Variants in ACIN1 observed in about 807,000 individuals in gnomAD.
ACIN1 encodes the protein apoptotic chromatin condensation inducer in the nucleus.
A neutral mutation model predicts 146.6 loss-of-function variants in ACIN1; 16 were observed. The ratio of observed to expected loss-of-function variants is 0.11; its 90% CI spans 0.07 to 0.17. The LOEUF is 0.17. Ranked by LOEUF, ACIN1 falls within the 10% of genes least tolerant of loss-of-function variation. ACIN1 has a pLI of 1.00. For missense variants in ACIN1, 1,357 were observed against 1,609.3 expected, an observed-to-expected ratio of 0.84 and a Z score of 2.68; for synonymous variants, 569 against 582.7, an observed-to-expected ratio of 0.98 and a Z score of 0.34.
intron 8 of ACIN1, 35 bp from the exon 9 acceptor site, chr14:23,069,652 G>GGGGGGGGGGGGGGGCCGCC: frequency 1.7e-6 from 1 of 577,974 alleles, no homozygotes; most frequent in Non-Finnish European, 3.3e-6. Context: ...GGGGGGGCGG[G>GGGGGGGGGGGGGGGCCGCC]CAGAAAAGAA....
chr14:23,061,244 G>C (rs941497937), intron 17 of ACIN1, 54 bp downstream of exon 17: 11 of 1,613,428 alleles, frequency 6.8e-6, no homozygotes, highest in Non-Finnish European at 8.5e-6. Flanking sequence ...CATCCCATCT[G>C]GGTCCCTTTC....
Position 23,065,998 on chromosome 14 carries a change from G to T in ACIN1, c.2276C>A (p.Pro759His). 4.3e-6 allele frequency: 7 copies of T among 1,613,662 alleles called. No individual in the cohort carries two copies. Among genetic ancestry groups the T allele is most frequent in the Non-Finnish European group, 5.9e-6 (7 of 1,179,792 alleles). Residue 759 changes from proline (P) to histidine (H), a missense_variant, in exon 10 of 19, where the codon CCC (proline) becomes CAC (histidine). By Grantham distance (77) the Pro-to-His change is moderately conservative. This residue lies in a region of ACIN1 where 509 missense variants were observed against 719.6 expected (regional missense o/e 0.71). Coordinates refer to ENST00000605057, the MANE Select transcript of ACIN1 (RefSeq NM_001386863.1). The part of the protein sequence containing the change: ...EDEEKKESSL[P>H]KSFKRKISVV... ...GGAGATCTTCCTCTTGAATGATTTG[G>T]GCAGCGAGCTCTGTATGAAGAAGAA... is the stretch of plus-strand genomic sequence containing the variant.
chr14:23,095,214 A>C, upstream of ACIN1: 1 of 1,613,340 alleles, frequency 6.2e-7, no homozygotes, highest in South Asian at 1.1e-5. Context: ...CCACTGCCAT[A>C]CTCTACCCCT....
chr14:23,062,321 C>A (rs758843063), intron 15 of ACIN1, 46 bp from the exon 16 acceptor site: 2 of 1,600,902 alleles, frequency 1.2e-6, no homozygotes, highest in South Asian at 2.2e-5. Flanking sequence ...GTGTCTGCAA[C>A]CCTTCCCACG....
Position 23,078,236 on chromosome 14 carries a change from C to A in ACIN1, c.2038G>T (p.Ala680Ser). ...GGCTGTGTGGCAGCTGGTGGCTCTGCCTCTTCAGCTTCACACTTCTTTGGG... is the reference window on the plus strand; with the variant it reads ...GGCTGTGTGGCAGCTGGTGGCTCTGACTCTTCAGCTTCACACTTCTTTGGG... ...GSPKKCEAEE[A>S]EPPAATQPQT... Residue 680 changes from alanine (A) to serine (S), a missense_variant, in exon 8 of 19, where the codon GCA becomes TCA. Ala to Ser is a moderately conservative substitution (Grantham distance 99, BLOSUM62 1). Around this residue, in one of 4 missense-constraint regions of ACIN1, gnomAD observed 771 missense variants for 746.6 expected, o/e 1.03. Transcript: ENST00000605057. The A allele has an allele frequency of 6.2e-7, 1 of 1,614,138 alleles. No homozygotes were observed. The highest frequency in any genetic ancestry group is 8.5e-7 in the Non-Finnish European group (1 of 1,180,002).
At chr14:23,061,251 T>C (rs751699645) in intron 17 of ACIN1, 47 bp downstream of exon 17, 1 of 1,613,330 alleles carries the variant, frequency 6.2e-7, no homozygotes, top group Admixed American at 1.7e-5. Flanking sequence ...TCTGGGTCCC[T>C]TTCCCACCTA....
Position 23,068,655 on chromosome 14 carries a change from T to G in ACIN1, c.2265+821A>C, listed in dbSNP as rs912481574. ...GGCAGGGTTATATTTTACGGGCGGA[T>G]TACCGTACATGAGGTACTTGGACAA... is the stretch of plus-strand genomic sequence containing the variant. On this transcript the variant is annotated intron_variant, in intron 9 of 18. Coordinates refer to ENST00000605057, the MANE Select transcript of ACIN1 (RefSeq NM_001386863.1). The surrounding 1 kb of genome is among the most constrained non-coding windows in gnomAD (Gnocchi z 4.3). 4.1e-5 allele frequency: 40 copies of G among 985,764 alleles called. No homozygotes were observed. The African/African-American group carries it at 6.8e-4, about 17-fold the overall frequency. 61.1% of individuals were successfully genotyped at this position (985,764 alleles called of 1,614,324 possible). A position where few individuals can be genotyped will look rare whatever the true frequency, so the allele number is the denominator to read the frequency against.
intron 4 of ACIN1, among the ~76,000 whole-genome samples, chr14:23,088,523 G>A (rs1194300825): frequency 6.6e-6 from 1 of 152,134 alleles, no homozygotes; most frequent in Non-Finnish European, 1.5e-5. Context: ...TTTCCATGAA[G>A]AGTCTATCGC....
chr14:23,093,414 C>G, intron 2 of ACIN1, 65 bp downstream of exon 2: 1 of 1,477,200 alleles, frequency 6.8e-7, no homozygotes, highest in Non-Finnish European at 9.5e-7. Flanking sequence ...ATATACAACA[C>G]CACGTCCTTC....
chr14:23,059,068 T>C lies in ACIN1; in HGVS notation c.*80A>G. On this transcript the variant is annotated 3_prime_UTR_variant, in exon 19 of 19. Transcript: ENST00000605057. ...TGAAAGACCCTTGGCTCCAGGGTGG[T>C]GGAGACTGTGCCTATCCCTCTGTGG... The C allele has an allele frequency of 3.6e-6, 5 of 1,381,792 alleles. No homozygotes were observed. The highest frequency in any genetic ancestry group is 1.4e-5 in the African/African-American group (1 of 70,204). 85.6% of individuals were successfully genotyped at this position (1,381,792 alleles called of 1,614,324 possible). A position where few individuals can be genotyped will look rare whatever the true frequency, so the allele number is the denominator to read the frequency against.
Position 23,068,771 on chromosome 14 carries a change from A to G in ACIN1, c.2265+705T>C. The stretch of plus-strand genomic sequence containing the variant: ...CCCCACCCCCGCAACACACACCAGA[A>G]AAAGGCTACACACACAACAGTCCCT... On this transcript the variant is annotated intron_variant, in intron 9 of 18. Transcript: ENST00000605057. The surrounding 1 kb of genome is among the most constrained non-coding windows in gnomAD (Gnocchi z 4.3). The G allele has an allele frequency of 3.0e-6, 3 of 985,530 alleles. No homozygotes were observed. The highest frequency in any genetic ancestry group is 3.6e-6 in the Non-Finnish European group (3 of 829,994). 61.0% of individuals were successfully genotyped at this position (985,530 alleles called of 1,614,324 possible).
chr14:23,059,030 G>C lies in ACIN1; in HGVS notation c.*118C>G. ...CACTTTTCCATTTGGTATGTATGTAGGGATAGGTGATGTGAAAGACCCTTG... is the reference window on the plus strand; with the variant it reads ...CACTTTTCCATTTGGTATGTATGTACGGATAGGTGATGTGAAAGACCCTTG... On this transcript the variant is annotated 3_prime_UTR_variant, in exon 19 of 19. Coordinates refer to ENST00000605057, the MANE Select transcript of ACIN1 (RefSeq NM_001386863.1). 2 of 924,282 alleles carry C rather than the reference G, an allele frequency of 2.2e-6. No individual in the cohort carries two copies. The highest frequency in any genetic ancestry group is 3.3e-6 in the Non-Finnish European group (2 of 597,180). The allele number at this position is 924,282 out of a possible 1,614,324, so 57.3% of individuals were successfully genotyped here. A position where few individuals can be genotyped will look rare whatever the true frequency, so the allele number is the denominator to read the frequency against.
In ACIN1 at chr14:23,067,369, G is replaced by A; in HGVS notation, c.2266-1361C>T. On this transcript the variant is annotated intron_variant, in intron 9 of 18. Coordinates refer to ENST00000605057, the MANE Select transcript of ACIN1 (RefSeq NM_001386863.1). The surrounding 1 kb of genome is among the most constrained non-coding windows in gnomAD (Gnocchi z 4.6). ...CACTGTGTACTGTATCTAGTCAACCGCCGGTCCAATCAGAATGAGCCCTCC... is the reference window on the plus strand; with the variant it reads ...CACTGTGTACTGTATCTAGTCAACCACCGGTCCAATCAGAATGAGCCCTCC... The A allele has an allele frequency of 1.0e-6, 1 of 985,718 alleles. No individual in the cohort carries two copies. The highest frequency in any genetic ancestry group is 1.2e-6 in the Non-Finnish European group (1 of 829,948). 61.1% of individuals were successfully genotyped at this position (985,718 alleles called of 1,614,324 possible). A position where few individuals can be genotyped will look rare whatever the true frequency, so the allele number is the denominator to read the frequency against.
At chr14:23,074,407 A>G (rs1454890062) in intron 8 of ACIN1, among the ~76,000 whole-genome samples, 2 of 151,882 alleles carry the variant, frequency 1.3e-5, no homozygotes, top group Non-Finnish European at 2.9e-5. Flanking sequence ...CTCTATTAAA[A>G]ATAGAAAAAT....
chr14:23,080,856 C>A, intron 5 of ACIN1, 47 bp from the exon 6 acceptor site: 1 of 1,538,268 alleles, frequency 6.5e-7, no homozygotes, highest in South Asian at 1.3e-5. Context: ...TGCTCACAGT[C>A]AACAGAGGAG....
At chr14:23,062,591 C>T (rs1007898246) in intron 14 of ACIN1, 68 bp from the exon 15 acceptor site, 12 of 1,421,024 alleles carry the variant, frequency 8.4e-6, no homozygotes, top group Admixed American at 1.7e-5. Flanking sequence ...TTAGATTTCC[C>T]GAGCTGCTGT....
intron 4 of ACIN1, among the ~76,000 whole-genome samples, chr14:23,085,192 G>A (rs921706719): frequency 4.6e-5 from 7 of 152,176 alleles, no homozygotes; most frequent in Admixed American, 3.9e-4. Context: ...AAAATTAGTC[G>A]GGTGTGGGGG....
At chr14:23,072,204 C>A (rs2047678759) in intron 8 of ACIN1, among the ~76,000 whole-genome samples, 3 of 152,082 alleles carry the variant, frequency 2.0e-5, no homozygotes. Context: ...AGGGAGAGTT[C>A]TTTTTTCAAA....
chr14:23,075,522 C>CTCT (rs1264860380), intron 8 of ACIN1, among the ~76,000 whole-genome samples: 1 of 151,724 alleles, frequency 6.6e-6, no homozygotes, highest in African/African-American at 2.4e-5. Flanking sequence ...TCCTCAGGCA[C>CTCT]AATCAGAATC....
Sources: allele counts gnomAD v4.1 joint callset (sites outside exome capture counted in the v4.1 genomes callset), GRCh38; gene constraint gnomAD v4.1.1; regional missense constraint gnomAD v4.1.1; non-coding constraint Gnocchi (gnomAD v3.1); transcripts MANE v1.5; gene names NCBI Gene and HGNC (gene_info 2026-07-23, HGNC 2026-07-21).